PALM: variants seen among roughly 807,000 people sequenced by gnomAD.
The protein encoded by PALM is paralemmin-1.
In PALM, 18 loss-of-function variants were observed where a neutral mutation model predicts 30.7. That is an observed-to-expected ratio of 0.59 (90% CI 0.41 to 0.87). The LOEUF (loss-of-function observed/expected upper bound fraction) is 0.87, where lower values mean the gene tolerates loss of function less well. Among genes scored for constraint, PALM ranks in the 40% least tolerant of loss-of-function variants. The pLI is 0.00. For synonymous variants in PALM, 286 were observed against 242.8 expected (o/e 1.18, Z -1.66); for missense variants, 529 against 555.4 (o/e 0.95, Z 0.48).
chr19:741,577 G>T lies in PALM; in HGVS notation c.634+1094G>T, dbSNP rs531790640. Reference sequence around the variant, plus strand: ...GGAGACGGGCTGCAGGGGTGAGGGGGAACCAGGTTGGTCAGGGAGTTGAGG... The same window carrying T: ...GGAGACGGGCTGCAGGGGTGAGGGGTAACCAGGTTGGTCAGGGAGTTGAGG... On this transcript the variant is annotated intron_variant, in intron 8 of 8. Coordinates refer to ENST00000338448, the MANE Select transcript of PALM (RefSeq NM_002579.3). Among the ~76,000 whole-genome samples the T allele has an allele frequency of 1.3e-5, 2 of 151,218 alleles. 1 individual carries two copies. The highest frequency in any genetic ancestry group is 3.9e-4 in the East Asian group (2 of 5,088).
chr19:719,410 C>T (rs1365380912), intron 1 of PALM: 1 of 985,418 alleles, frequency 1.0e-6, no homozygotes, highest in Non-Finnish European at 1.2e-6. Context: ...CCCGAGCCGC[C>T]CACACCGCCA....
In PALM at chr19:742,681, C is replaced by T. The variant is rs2238563; in HGVS notation, c.634+2198C>T. ...GTGGCCTTCTGTGTCTGGCGTCTCTCACTGGGCGTGACGTCCCCAAGGTGC... is the reference window on the plus strand; with the variant it reads ...GTGGCCTTCTGTGTCTGGCGTCTCTTACTGGGCGTGACGTCCCCAAGGTGC... On this transcript the variant is annotated intron_variant, in intron 8 of 8. Coordinates refer to ENST00000338448, the MANE Select transcript of PALM (RefSeq NM_002579.3). This position sits in a 1 kb window ranked among gnomAD's most constrained non-coding sequence, Gnocchi z 5.5. Among the ~76,000 whole-genome samples the T allele has an allele frequency of 0.03, 4,511 of 152,160 alleles. 377 individuals are homozygous for T. In the East Asian group the frequency reaches 0.34, roughly 11 times the overall value.
intron 1 of PALM, among the ~76,000 whole-genome samples, chr19:718,050 C>T (rs1437716337): frequency 6.6e-6 from 1 of 152,076 alleles, no homozygotes; most frequent in African/African-American, 2.4e-5. Context: ...GGCGTGGTGG[C>T]ATGTGCCTGT....
chr19:710,734 G>A (rs577854794), intron 1 of PALM, among the ~76,000 whole-genome samples: 8 of 142,184 alleles, frequency 5.6e-5, no homozygotes, highest in African/African-American at 1.6e-4. Context: ...CGGTTTCTCC[G>A]TCCTGGGTCA....
chr19:733,196 G>A (rs1454717767), intron 5 of PALM, among the ~76,000 whole-genome samples: 2 of 152,222 alleles, frequency 1.3e-5, no homozygotes, highest in Non-Finnish European at 2.9e-5. Context: ...AAAGTGCTGG[G>A]ATTAGAGGCA....
In PALM at chr19:742,332, C is replaced by T. The variant is rs927755719; in HGVS notation, c.634+1849C>T. Among the ~76,000 whole-genome samples the T allele has an allele frequency of 3.9e-5, 6 of 152,172 alleles. No individual in the cohort carries two copies. In the South Asian group the frequency reaches 8.3e-4, roughly 21 times the overall value. ...AGAAATGAGATCACACGGCCGGGTG[C>T]GGTGGCTCACACCTGTAATCCCGGC... On this transcript the variant is annotated intron_variant, in intron 8 of 8. Coordinates refer to ENST00000338448, the MANE Select transcript of PALM (RefSeq NM_002579.3). The surrounding 1 kb of genome is among the most constrained non-coding windows in gnomAD (Gnocchi z 5.5).
chr19:709,903 T>C lies in PALM; in HGVS notation c.5+752T>C, dbSNP rs987360068. 9.4e-6 allele frequency among the ~76,000 whole-genome samples: 1 copy of C among 106,016 alleles called. No individual in the cohort carries two copies. 69.6% of individuals were successfully genotyped at this position (106,016 alleles called of 152,430 possible). On this transcript the variant is annotated intron_variant, in intron 1 of 8. Transcript: ENST00000338448. This position sits in a 1 kb window ranked among gnomAD's most constrained non-coding sequence, Gnocchi z 4.3. ...CCCTGGACCCCCGCATGGCTGCGCC[T>C]GTGTGTGTGGGGGGGGGGTGGCCAG...
intron 8 of PALM, among the ~76,000 whole-genome samples, chr19:743,152 G>A (rs374547294): frequency 2.6e-5 from 4 of 152,160 alleles, no homozygotes; most frequent in South Asian, 2.1e-4. Flanking sequence ...TGGCCTCTGC[G>A]GTGCCCCAGA....
At chr19:716,140 G>A (rs974629350) in intron 1 of PALM, among the ~76,000 whole-genome samples, 11 of 152,142 alleles carry the variant, frequency 7.2e-5, no homozygotes, top group African/African-American at 2.4e-4. Flanking sequence ...GGCTGGGCAT[G>A]GTGGCTCACG....
At chr19:743,726 G>A (rs1036250755) in intron 8 of PALM, among the ~76,000 whole-genome samples, 6 of 152,032 alleles carry the variant, frequency 3.9e-5, no homozygotes, top group Non-Finnish European at 7.4e-5. Context: ...TGTGAGCTAG[G>A]GCTGGTGTTA....
chr19:728,160 C>G lies in PALM; in HGVS notation c.269+466C>G, dbSNP rs1407061478. Among the ~76,000 whole-genome samples, 6 of 152,294 alleles carry G rather than the reference C, an allele frequency of 3.9e-5. No individual in the cohort carries two copies. The South Asian group carries it at 1.2e-3, about 32-fold the overall frequency. ...CGGGATGGATGCAGAGCAGCTGGGC[C>G]CGCAGGAAGCTCGGGCGGGGGCAGG... On this transcript the variant is annotated intron_variant, in intron 4 of 8. Transcript: ENST00000338448.
At chr19:727,205 T>C (rs1396693612) in intron 3 of PALM, 117 bp downstream of exon 3, 20 of 382,600 alleles carry the variant, frequency 5.2e-5, no homozygotes, top group Admixed American at 2.2e-4. Context: ...TGACCCTGCC[T>C]CCAGCCCTGA....
chr19:736,118 C>T (rs748137059), intron 7 of PALM, 40 bp downstream of exon 7: 1 of 1,290,196 alleles, frequency 7.8e-7, no homozygotes, highest in South Asian at 1.2e-5. Context: ...GATCCAGCCG[C>T]TGTCAGGGAC....
chr19:729,178 T>G (rs1211773336), intron 4 of PALM, among the ~76,000 whole-genome samples: 1 of 111,818 alleles, frequency 8.9e-6, no homozygotes, highest in African/African-American at 3.5e-5. Flanking sequence ...AATGCAAAAA[T>G]TAGGTGGATT....
chr19:722,084 A>C lies in PALM; in HGVS notation c.6-4054A>C, dbSNP rs1340574865. Among the ~76,000 whole-genome samples, 36 of 149,820 alleles carry C rather than the reference A, an allele frequency of 2.4e-4. 1 individual carries two copies. In the East Asian group the frequency reaches 7.0e-3, roughly 29 times the overall value. On this transcript the variant is annotated intron_variant, in intron 1 of 8. Coordinates refer to ENST00000338448, the MANE Select transcript of PALM (RefSeq NM_002579.3). ...CAGGCACCCGCCACCACGCCGGGCT[A>C]ATTTTTTGTGTTTTTAGTAGAGACG...
chr19:727,003 C>CCCCCCCCCAAA lies in PALM; in HGVS notation c.58-5_58-4insCCCCCCCCAAA. The CCCCCCCCCAAA allele has an allele frequency of 6.6e-7, 1 of 1,524,300 alleles. No individual in the cohort carries two copies. The highest frequency in any genetic ancestry group is 2.5e-5 in the East Asian group (1 of 40,594). The allele number at this position is 1,524,300 out of a possible 1,614,324, so 94.4% of individuals were successfully genotyped here. A position where few individuals can be genotyped will look rare whatever the true frequency, so the allele number is the denominator to read the frequency against. On this transcript the variant is annotated splice_polypyrimidine_tract_variant and splice_region_variant and intron_variant, in intron 2 of 8. Transcript: ENST00000338448. ...ATCCCTGACCCCACCCGGCCCTCCC[C>CCCCCCCCCAAA]ACAGGAGAAGCGGAAGCGGCAGGCG...
intron 1 of PALM, among the ~76,000 whole-genome samples, chr19:723,653 T>G (rs1226906389): frequency 3.3e-5 from 5 of 151,332 alleles, no homozygotes; most frequent in Admixed American, 6.6e-5. Context: ...GTGCAGCGCG[T>G]GATCTCTGCT....
Position 746,511 on chromosome 19 carries a change from G to T in PALM, c.861G>T (p.Pro287=), listed in dbSNP as rs765617736. Residue 287 remains proline (P), a synonymous_variant, in exon 9 of 9, where the codon CCG becomes CCT. Coordinates refer to ENST00000338448, the MANE Select transcript of PALM (RefSeq NM_002579.3). This position sits in a 1 kb window ranked among gnomAD's most constrained non-coding sequence, Gnocchi z 7.1. ...QAQPGEATSG[P]PGIQPGQEPP... ...AGCCAGGCGAGGCCACGTCCGGCCCGCCGGGGATCCAGCCCGGCCAGGAGC... is the reference window on the plus strand; with the variant it reads ...AGCCAGGCGAGGCCACGTCCGGCCCTCCGGGGATCCAGCCCGGCCAGGAGC... 6.2e-7 allele frequency: 1 copy of T among 1,612,538 alleles called. No homozygotes were observed. The highest frequency in any genetic ancestry group is 8.5e-7 in the Non-Finnish European group (1 of 1,179,744).
chr19:741,344 A>AG (rs1365066026), intron 8 of PALM, among the ~76,000 whole-genome samples: 1 of 148,120 alleles, frequency 6.8e-6, no homozygotes, highest in African/African-American at 2.5e-5. Flanking sequence ...GCCCTGAGGT[A>AG]GGATGGAGTC....
Sources: allele counts gnomAD v4.1 joint callset (sites outside exome capture counted in the v4.1 genomes callset), GRCh38; gene constraint gnomAD v4.1.1; non-coding constraint Gnocchi (gnomAD v3.1); transcripts MANE v1.5; gene names NCBI Gene and HGNC (gene_info 2026-07-23, HGNC 2026-07-21).